Variants in MAP3K9 observed in about 807,000 individuals in gnomAD.
MAP3K9 encodes the protein mitogen-activated protein kinase kinase kinase 9, also known as mixed lineage kinase 1 (tyr and ser/thr specificity).
A neutral mutation model predicts 95.8 loss-of-function variants in MAP3K9; 46 were observed. The ratio of observed to expected loss-of-function variants is 0.48; its 90% CI spans 0.38 to 0.61. The LOEUF is 0.61. Among genes scored for constraint, MAP3K9 ranks in the 20% least tolerant of loss-of-function variants. MAP3K9 has a pLI of 0.00. For missense variants in MAP3K9, 1,296 were observed against 1,474.3 expected (o/e 0.88, Z 1.98); for synonymous variants, 533 against 593.8 (o/e 0.90, Z 1.49).
chr14:70,738,482 A>T (rs2054017885), intron 7 of MAP3K9, 84 bp from the exon 8 acceptor site: 1 of 1,211,936 alleles, frequency 8.3e-7, no homozygotes, highest in Admixed American at 2.1e-5. Context: ...CCACACACAC[A>T]CACACATTTG....
chr14:70,753,309 T>A (rs574428868), intron 3 of MAP3K9, among the ~76,000 whole-genome samples: 7 of 152,282 alleles, frequency 4.6e-5, no homozygotes, highest in African/African-American at 1.7e-4. Flanking sequence ...AGAGCTACAG[T>A]GTTGGTGAGA....
chr14:70,785,534 C>T (rs967113646), intron 2 of MAP3K9, among the ~76,000 whole-genome samples: 4 of 152,022 alleles, frequency 2.6e-5, no homozygotes, highest in Non-Finnish European at 4.4e-5. Context: ...CTTCTTGTGA[C>T]GTTATGAGAT....
intron 2 of MAP3K9, among the ~76,000 whole-genome samples, chr14:70,791,392 A>G (rs915563069): frequency 6.6e-6 from 1 of 152,204 alleles, no homozygotes; most frequent in Non-Finnish European, 1.5e-5. Flanking sequence ...CCCACTGAGT[A>G]AGCTGCAGAG....
intron 2 of MAP3K9, among the ~76,000 whole-genome samples, chr14:70,766,985 A>G (rs529756576): frequency 6.6e-6 from 1 of 152,286 alleles, no homozygotes; most frequent in East Asian, 1.9e-4. Flanking sequence ...TTCCGCTAGC[A>G]TGTGATACAG....
intron 2 of MAP3K9, among the ~76,000 whole-genome samples, chr14:70,778,101 A>ATTG (rs1377708675): frequency 8.6e-6 from 1 of 115,726 alleles, no homozygotes; most frequent in Non-Finnish European, 2.0e-5. Context: ...TGTTGTTGTT[A>ATTG]TTGTTGTTGT....
rs1348453344 is a variant in MAP3K9, at chr14:70,729,503, T to C, written c.*877A>G. On this transcript the variant is annotated 3_prime_UTR_variant, in exon 12 of 12. Transcript: ENST00000554752. ...CTGACTTAGAACTGGCACCAGTGAG[T>C]GAGTCCCCCAAGAAACTATTCCTGG... is the stretch of plus-strand genomic sequence containing the variant. 6.6e-6 allele frequency: 1 copy of C among 152,030 alleles called. No individual in the cohort carries two copies. The highest frequency in any genetic ancestry group is 2.4e-5 in the African/African-American group (1 of 41,390). 9.4% of individuals were successfully genotyped at this position (152,030 alleles called of 1,614,324 possible).
In MAP3K9 at chr14:70,730,498, G is replaced by A. The variant is rs779213783; in HGVS notation, c.3197C>T (p.Thr1066Met). 20 of 1,613,936 alleles carry A rather than the reference G, an allele frequency of 1.2e-5. No individual in the cohort carries two copies. The highest frequency in any genetic ancestry group is 1.5e-5 in the Non-Finnish European group (18 of 1,180,044). Reference sequence around the variant, plus strand: ...CCCCTCTGCATCCAGGTCCAGGAGCGTCCGCTCAGTCGGGGGCAGCGGCCC... The same window carrying A: ...CCCCTCTGCATCCAGGTCCAGGAGCATCCGCTCAGTCGGGGGCAGCGGCCC... ...QAGPLPPTER[T>M]LLDLDAEGQS... The change falls in exon 12 of 12, where the codon ACG (threonine) becomes ATG (methionine). Residue 1066 changes from threonine (T) to methionine (M), a missense_variant. By Grantham distance (81) the Thr-to-Met change is moderately conservative (BLOSUM62 -1). This residue lies in a region of MAP3K9 where 433 missense variants were observed against 441.4 expected (regional missense o/e 0.98). Coordinates refer to ENST00000554752, the MANE Select transcript of MAP3K9 (RefSeq NM_001284230.2).
intron 9 of MAP3K9, 76 bp downstream of exon 9, chr14:70,735,885 G>T: frequency 1.8e-6 from 2 of 1,119,120 alleles, no homozygotes; most frequent in Non-Finnish European, 2.7e-6. Context: ...ATTCTATGGG[G>T]TATGCTGTAA....
At chr14:70,803,432 A>G (rs562219780) in intron 1 of MAP3K9, among the ~76,000 whole-genome samples, 11 of 151,532 alleles carry the variant, frequency 7.3e-5, no homozygotes, top group Non-Finnish European at 1.5e-4. Context: ...AAAAAAAACT[A>G]AGAAAACAAA....
At chr14:70,803,663 G>A (rs1301662420) in intron 1 of MAP3K9, among the ~76,000 whole-genome samples, 3 of 152,156 alleles carry the variant, frequency 2.0e-5, no homozygotes, top group African/African-American at 2.4e-5. Flanking sequence ...AAACTCTTAG[G>A]TGGATGTTAG....
intron 3 of MAP3K9, among the ~76,000 whole-genome samples, chr14:70,754,463 C>T (rs971479926): frequency 3.3e-5 from 5 of 152,080 alleles, no homozygotes; most frequent in South Asian, 2.1e-4. Flanking sequence ...ATTTTTTCTA[C>T]AGAAAACGTT....
intron 2 of MAP3K9, among the ~76,000 whole-genome samples, chr14:70,799,199 C>T (rs867827266): frequency 6.6e-6 from 1 of 152,072 alleles, no homozygotes; most frequent in Non-Finnish European, 1.5e-5. Context: ...GATGGGGTCT[C>T]GCTATGTTGC....
chr14:70,732,424 G>A (rs1481500085), intron 11 of MAP3K9, 115 bp downstream of exon 11: 4 of 1,418,084 alleles, frequency 2.8e-6, no homozygotes, highest in Non-Finnish European at 3.7e-6. Flanking sequence ...TTGGCTAAGA[G>A]GAGGAATGGT....
In MAP3K9 at chr14:70,808,638, C is replaced by A. The variant is rs1021703416; in HGVS notation, c.406+128G>T. The A allele has an allele frequency of 3.1e-5, 15 of 476,908 alleles. 1 individual carries two copies. The South Asian group carries it at 3.4e-4, about 11-fold the overall frequency. The allele number at this position is 476,908 out of a possible 1,614,324, so 29.5% of individuals were successfully genotyped here. ...GGGCAGCCTAAGCGCGCGCCACCCA[C>A]ACCCAGGTCAATCGTCCTCCCCACC... On this transcript the variant is annotated intron_variant, in intron 1 of 11. Coordinates refer to ENST00000554752, the MANE Select transcript of MAP3K9 (RefSeq NM_001284230.2).
chr14:70,740,000 C>A, intron 7 of MAP3K9, 42 bp downstream of exon 7: 2 of 1,614,148 alleles, frequency 1.2e-6, no homozygotes, highest in Non-Finnish European at 1.7e-6. Flanking sequence ...GACAGGTGCC[C>A]CTGTGTGTTC....
intron 2 of MAP3K9, among the ~76,000 whole-genome samples, chr14:70,766,796 A>C (rs565608044): frequency 3.9e-5 from 6 of 152,306 alleles, no homozygotes; most frequent in African/African-American, 1.4e-4. Flanking sequence ...CCAGAAAGAA[A>C]TCCTATGTGT....
chr14:70,804,834 A>G (rs1176525493), intron 1 of MAP3K9, among the ~76,000 whole-genome samples: 2 of 152,194 alleles, frequency 1.3e-5, no homozygotes, highest in Non-Finnish European at 2.9e-5. Flanking sequence ...TATTTAGTTA[A>G]GCAAATATTA....
intron 11 of MAP3K9, among the ~76,000 whole-genome samples, chr14:70,731,458 A>G (rs969102881): frequency 6.6e-6 from 1 of 152,190 alleles, no homozygotes; most frequent in African/African-American, 2.4e-5. Context: ...AAAAAGAAAA[A>G]AAGGTATACA....
chr14:70,753,746 C>T (rs549583400), intron 3 of MAP3K9, among the ~76,000 whole-genome samples: 8 of 152,310 alleles, frequency 5.3e-5, no homozygotes, highest in Admixed American at 3.9e-4. Flanking sequence ...CCAACCCTCA[C>T]AAAATTTACT....
Sources: gnomAD v4.1 joint callset for allele counts (sites outside exome capture counted in the v4.1 genomes callset) on GRCh38, gnomAD v4.1.1 for gene constraint, gnomAD v4.1.1 regional missense constraint, MANE v1.5 for transcripts, NCBI Gene and HGNC (gene_info 2026-07-23, HGNC 2026-07-21) for gene names.